Variants in ATP8B4 observed in about 807,000 individuals in gnomAD.
The protein encoded by ATP8B4 is ATPase phospholipid transporting 8B4 (putative).
Under a neutral mutation model 145.6 loss-of-function variants are expected in ATP8B4, and 133 were observed. The ratio of observed to expected loss-of-function variants is 0.91; its 90% CI spans 0.79 to 1.05. ATP8B4 has a LOEUF of 1.05. Ranked by LOEUF, ATP8B4 falls within the 50% of genes least tolerant of loss-of-function variation. The probability of loss-of-function intolerance (pLI) is 0.00; values close to 1 mark genes in which losing one functional copy is unlikely to be tolerated. For synonymous variants in ATP8B4, 507 were observed against 492.9 expected (o/e 1.03, Z -0.38); for missense variants, 1,458 against 1,425.2 (o/e 1.02, Z -0.37).
At chr15:50,147,840 C>G (rs569353419) in intron 1 of ATP8B4, among the ~76,000 whole-genome samples, 1 of 152,302 alleles carries the variant, frequency 6.6e-6, no homozygotes, top group South Asian at 2.1e-4. Flanking sequence ...GAAAATCACC[C>G]TCTCAGAACC....
intron 6 of ATP8B4, among the ~76,000 whole-genome samples, chr15:50,037,141 T>C (rs969526798): frequency 9.9e-5 from 15 of 152,198 alleles, no homozygotes; most frequent in African/African-American, 3.1e-4. Context: ...TTTTGACTGG[T>C]AATTTGAGAG....
intron 21 of ATP8B4, among the ~76,000 whole-genome samples, chr15:49,898,664 T>A (rs1254865832): frequency 1.3e-5 from 2 of 152,326 alleles, no homozygotes; most frequent in East Asian, 3.9e-4. Flanking sequence ...TTCTATCTGA[T>A]GGGCTTTTTG....
At chr15:50,140,869 T>A (rs2044197251) in intron 1 of ATP8B4, among the ~76,000 whole-genome samples, 1 of 152,194 alleles carries the variant, frequency 6.6e-6, no homozygotes, top group Non-Finnish European at 1.5e-5. Flanking sequence ...TCCACTCTTT[T>A]TTAAAACTCC....
At chr15:49,929,851 G>C (rs2041094212) in intron 16 of ATP8B4, among the ~76,000 whole-genome samples, 1 of 152,054 alleles carries the variant, frequency 6.6e-6, no homozygotes, top group South Asian at 2.1e-4. Flanking sequence ...AAAGCCATTG[G>C]ACTGGGAAGT....
intron 17 of ATP8B4, chr15:49,922,469 T>C (rs745745121): frequency 9.6e-6 from 4 of 415,850 alleles, no homozygotes; most frequent in Non-Finnish European, 1.9e-5. Context: ...GCTATGTTTG[T>C]AACCAATATT....
intron 2 of ATP8B4, among the ~76,000 whole-genome samples, chr15:50,093,343 G>A (rs2055735993): frequency 6.6e-6 from 1 of 152,016 alleles, no homozygotes. Flanking sequence ...TGCACTGCTG[G>A]TTTTAAAATG....
At chr15:50,050,888 C>G (rs182582251) in intron 3 of ATP8B4, among the ~76,000 whole-genome samples, 139 of 152,120 alleles carry the variant, frequency 9.1e-4, no homozygotes, top group Non-Finnish European at 5.9e-4. Flanking sequence ...TCAATATGCC[C>G]AGAATAATAT....
chr15:50,178,739 T>G (rs879899801), intron 1 of ATP8B4, among the ~76,000 whole-genome samples: 1 of 152,230 alleles, frequency 6.6e-6, no homozygotes, highest in Admixed American at 6.5e-5. Flanking sequence ...TTATTGTTAC[T>G]GTCTTTAAAA....
rs769179052 is a variant in ATP8B4 at position 49,978,801 on chromosome 15, TATAA to T, written c.1034+812_1034+815del. Among the ~76,000 whole-genome samples the T allele has an allele frequency of 1.0e-3, 131 of 125,368 alleles. 1 individual carries two copies. Among genetic ancestry groups the T allele is most frequent in the African/African-American group, 4.0e-3 (123 of 30,896 alleles). The allele number at this position is 125,368 out of a possible 152,430, so 82.2% of individuals were successfully genotyped here. On this transcript the variant is annotated intron_variant, in intron 12 of 27. Transcript: ENST00000284509. ...ACACACACACATGCATACATATGTATATAAATAAAGAGGGGTGTGTGTGTGTGTG... is the reference window on the plus strand; with the variant it reads ...ACACACACACATGCATACATATGTATATAAAGAGGGGTGTGTGTGTGTGTG...
chr15:50,112,090 T>G (rs1190768695), intron 1 of ATP8B4, among the ~76,000 whole-genome samples: 1 of 152,088 alleles, frequency 6.6e-6, no homozygotes, highest in Non-Finnish European at 1.5e-5. Flanking sequence ...CTAGAGGGCA[T>G]GTGGTAAACT....
chr15:50,060,089 G>A (rs75315358), intron 3 of ATP8B4, among the ~76,000 whole-genome samples: 10,318 of 152,124 alleles, frequency 0.068, 399 homozygotes, highest in Non-Finnish European at 0.09. Context: ...ACTTGCCTCG[G>A]CCGAGCCAGA....
In ATP8B4 at chr15:50,100,035, CA is replaced by C. The variant is rs751319243; in HGVS notation, c.28+6903del. 5.6e-3 allele frequency among the ~76,000 whole-genome samples: 446 copies of C among 80,204 alleles called. 2 individuals are homozygous for C. Among genetic ancestry groups the C allele is most frequent in the African/African-American group, 0.015 (316 of 21,024 alleles). 52.6% of individuals were successfully genotyped at this position (80,204 alleles called of 152,430 possible). On this transcript the variant is annotated intron_variant, in intron 2 of 27. Coordinates refer to ENST00000284509, the MANE Select transcript of ATP8B4 (RefSeq NM_024837.4). ...GGGCAACAAGAGCAAAACTCCATCT[CA>C]AAAAAAAAAAAAAAAAAAGAATGCA...
intron 12 of ATP8B4, among the ~76,000 whole-genome samples, chr15:49,974,757 C>T (rs1038527447): frequency 1.3e-5 from 2 of 152,058 alleles, no homozygotes; most frequent in Non-Finnish European, 1.5e-5. Flanking sequence ...GTTTGATATA[C>T]ATATGAGGAG....
chr15:50,131,641 T>C (rs866335872), intron 1 of ATP8B4, among the ~76,000 whole-genome samples: 15 of 151,930 alleles, frequency 9.9e-5, no homozygotes, highest in African/African-American at 3.6e-4. Context: ...CATTTCAATA[T>C]CTTATAATCA....
chr15:50,074,157 G>A lies in ATP8B4; in HGVS notation c.57C>T (p.Asp19=), dbSNP rs1421933947. 1.2e-6 allele frequency: 2 copies of A among 1,612,794 alleles called. No homozygotes were observed. The highest frequency in any genetic ancestry group is 1.7e-6 in the Non-Finnish European group (2 of 1,179,256). ...REVERIVKAN[D]REYNEKFQYA... ...ACTGGAACTTTTCATTATATTCACG[G>A]TCATTGGCTTTCACTATCCGTTCCA... Residue 19 remains aspartate (D), a synonymous_variant, in exon 3 of 28, where the codon GAC becomes GAT. Transcript: ENST00000284509.
chr15:49,921,420 T>C (rs977901691), intron 17 of ATP8B4, among the ~76,000 whole-genome samples: 6 of 152,108 alleles, frequency 3.9e-5, no homozygotes, highest in African/African-American at 1.4e-4. Context: ...TTTATCCTAA[T>C]AGTAGGGGAA....
chr15:49,996,900 C>T (rs538124635), intron 8 of ATP8B4, 141 bp from the exon 9 acceptor site: 118 of 602,920 alleles, frequency 2.0e-4, no homozygotes, highest in African/African-American at 1.8e-3. Flanking sequence ...ATTCACACTT[C>T]GCTCACTGTT....
chr15:50,008,131 C>T (rs2048453521), intron 7 of ATP8B4, among the ~76,000 whole-genome samples: 1 of 152,180 alleles, frequency 6.6e-6, no homozygotes, highest in African/African-American at 2.4e-5. Context: ...TGCCCTGGCC[C>T]TCCCAATACC....
chr15:50,027,748 G>C (rs994517910), intron 6 of ATP8B4, among the ~76,000 whole-genome samples: 1 of 152,144 alleles, frequency 6.6e-6, no homozygotes, highest in Non-Finnish European at 1.5e-5. Flanking sequence ...GTACTTTATT[G>C]CACCATAGAC....
Sources: allele counts gnomAD v4.1 joint callset (sites outside exome capture counted in the v4.1 genomes callset), GRCh38; gene constraint gnomAD v4.1.1; transcripts MANE v1.5; gene names NCBI Gene and HGNC (gene_info 2026-07-23, HGNC 2026-07-21).